POLN: variants seen among roughly 807,000 people sequenced by gnomAD.
POLN encodes DNA polymerase nu.
A neutral mutation model predicts 113.5 loss-of-function variants in POLN; 108 were observed. The observed-to-expected ratio is 0.95, with a 90% confidence interval of 0.81 to 1.12. The LOEUF is 1.12. Ranked by LOEUF, POLN falls within the 50% of genes most tolerant of loss-of-function variation. The pLI, the probability that POLN is intolerant of heterozygous loss-of-function variation, is 0.00. For synonymous variants in POLN, 386 were observed against 391.5 expected (o/e 0.99, Z 0.17); for missense variants, 1,097 against 1,077.1 (o/e 1.02, Z -0.26).
chr4:2,136,168 G>A (rs1577715137), intron 16 of POLN, among the ~76,000 whole-genome samples: 1 of 152,358 alleles, frequency 6.6e-6, no homozygotes, highest in East Asian at 1.9e-4. Context: ...AAGCTGAGCA[G>A]AGAGAGCACA....
At chr4:2,189,802 G>A (rs955484083) in intron 7 of POLN, among the ~76,000 whole-genome samples, 16 of 151,592 alleles carry the variant, frequency 1.1e-4, no homozygotes, top group African/African-American at 3.9e-4. Flanking sequence ...AGACCAAGGC[G>A]GGTGGATCAC....
chr4:2,088,737 T>TA (rs1730603509), intron 20 of POLN: 14 of 1,188,570 alleles, frequency 1.2e-5, no homozygotes, highest in South Asian at 3.7e-5. Flanking sequence ...GCTTTTTTTT[T>TA]ATTAGCTTTT....
intron 7 of POLN, among the ~76,000 whole-genome samples, chr4:2,190,633 T>C (rs1377335837): frequency 2.0e-5 from 3 of 152,148 alleles, no homozygotes; most frequent in African/African-American, 4.8e-5. Context: ...ATCCATCTGA[T>C]AGTGGATTAA....
intron 3 of POLN, among the ~76,000 whole-genome samples, chr4:2,215,757 T>C (rs1258093225): frequency 6.6e-6 from 1 of 152,198 alleles, no homozygotes; most frequent in African/African-American, 2.4e-5. Context: ...GAGCAGCTCC[T>C]GTAGGATTCT....
At chr4:2,129,576 G>T (rs1219695135) in intron 17 of POLN, among the ~76,000 whole-genome samples, 1 of 151,844 alleles carries the variant, frequency 6.6e-6, no homozygotes, top group African/African-American at 2.4e-5. Flanking sequence ...TTCTTGTAGA[G>T]ACAGGGTCTC....
intron 7 of POLN, among the ~76,000 whole-genome samples, chr4:2,188,835 T>C (rs1016798794): frequency 6.6e-6 from 1 of 152,164 alleles, no homozygotes; most frequent in African/African-American, 2.4e-5. Flanking sequence ...ATGGGCCATA[T>C]AAAAACACAT....
chr4:2,075,382 G>A (rs1730250959), intron 24 of POLN, 70 bp downstream of exon 24: 1 of 1,518,722 alleles, frequency 6.6e-7, no homozygotes, highest in Admixed American at 1.7e-5. Flanking sequence ...CCTGGGCTGT[G>A]CCCATGGGGC....
chr4:2,083,862 A>G (rs1394061580), intron 21 of POLN, among the ~76,000 whole-genome samples: 1 of 152,178 alleles, frequency 6.6e-6, no homozygotes, highest in African/African-American at 2.4e-5. Context: ...GTCCTAGCCG[A>G]ATTAAGCTGA....
intron 2 of POLN, chr4:2,240,925 CA>C: frequency 6.3e-7 from 1 of 1,598,500 alleles, no homozygotes; most frequent in Non-Finnish European, 8.5e-7. Context: ...AATGTTTCCA[CA>C]AACTCATTTC....
rs1345071256 is a variant in POLN, at chr4:2,100,080, AAAAAAG to A, written c.1983-4153_1983-4148del. The stretch of plus-strand genomic sequence containing the variant: ...GTGAGACCCTGTCTCAAAAAAGAAA[AAAAAAG>A]AAAAAGAAAAAAGAGAGAGAGAGAT... On this transcript the variant is annotated intron_variant, in intron 19 of 25. Coordinates refer to ENST00000511885, the MANE Select transcript of POLN (RefSeq NM_181808.4). Among the ~76,000 whole-genome samples, 101 of 150,620 alleles carry A rather than the reference AAAAAAG, an allele frequency of 6.7e-4. 2 individuals carry two copies. The highest frequency in any genetic ancestry group is 1.3e-3 in the African/African-American group (53 of 41,246).
intron 19 of POLN, among the ~76,000 whole-genome samples, chr4:2,107,446 C>T (rs1325802695): frequency 2.6e-5 from 4 of 152,036 alleles, no homozygotes; most frequent in African/African-American, 9.7e-5. Flanking sequence ...TGTTAGCTTG[C>T]GGCGGGTAAA....
intron 19 of POLN, among the ~76,000 whole-genome samples, chr4:2,113,611 A>G (rs1467328517): frequency 6.6e-6 from 1 of 150,772 alleles, no homozygotes; most frequent in African/African-American, 2.4e-5. Context: ...TAATCCCAGC[A>G]CTTTGGGAGG....
intron 6 of POLN, among the ~76,000 whole-genome samples, chr4:2,196,449 C>T (rs777458844): frequency 6.6e-6 from 1 of 152,078 alleles, no homozygotes; most frequent in African/African-American, 2.4e-5. Flanking sequence ...GGACACGGGA[C>T]CTCCTCCAAG....
At chr4:2,204,927 C>A (rs1201029635) in intron 5 of POLN, among the ~76,000 whole-genome samples, 2 of 152,104 alleles carry the variant, frequency 1.3e-5, no homozygotes, top group Non-Finnish European at 2.9e-5. Context: ...AATTGGCATA[C>A]AAGGGACATA....
chr4:2,091,754 C>A (rs951771912), intron 20 of POLN, among the ~76,000 whole-genome samples: 1 of 144,358 alleles, frequency 6.9e-6, no homozygotes, highest in Non-Finnish European at 1.5e-5. Flanking sequence ...GGTGGGTACA[C>A]GTGAATCTGT....
intron 15 of POLN, 22 bp downstream of exon 15, chr4:2,157,836 A>G: frequency 1.3e-6 from 2 of 1,567,352 alleles, no homozygotes; most frequent in Non-Finnish European, 1.8e-6. Flanking sequence ...TAATCACAGT[A>G]TCTTTTTGTA....
In POLN at chr4:2,208,038, C is replaced by G. The variant is rs144835121; in HGVS notation, c.663G>C (p.Leu221=). 1.9e-6 allele frequency: 3 copies of G among 1,614,108 alleles called. No individual in the cohort carries two copies. Among genetic ancestry groups the G allele is most frequent in the Non-Finnish European group, 2.5e-6 (3 of 1,179,996 alleles). Residue 221 remains leucine (L), a synonymous_variant, in exon 5 of 26, where the codon CTG becomes CTC. Coordinates refer to ENST00000511885, the MANE Select transcript of POLN (RefSeq NM_181808.4). ...LIEMLKQAAA[L]VITVMYTDGS... ...CATCAGTATACATCACAGTTATCAC[C>G]AGGGCTGCTGCCTGTTTGAGCATTT...
At position 2,192,114 on chromosome 4, in the gene POLN, C is replaced by CAAAA. The variant is rs772637540; in HGVS notation, c.1021+1086_1021+1089dup. ...TGGGCGACAGAGCGAGACTCCATCT[C>CAAAA]AAAAAAAAAAAAAAAAAAAAATTGG... On this transcript the variant is annotated intron_variant, in intron 7 of 25. Transcript: ENST00000511885. Among the ~76,000 whole-genome samples, 80 of 66,790 alleles carry CAAAA rather than the reference C, an allele frequency of 1.2e-3. 1 individual carries two copies. Among genetic ancestry groups the CAAAA allele is most frequent in the African/African-American group, 3.4e-3 (71 of 20,712 alleles). The allele number at this position is 66,790 out of a possible 152,430, so 43.8% of individuals were successfully genotyped here.
intron 7 of POLN, among the ~76,000 whole-genome samples, chr4:2,185,208 C>T (rs1733240910): frequency 6.6e-6 from 1 of 152,204 alleles, no homozygotes; most frequent in Non-Finnish European, 1.5e-5. Flanking sequence ...GTATACAACA[C>T]TTATGTAGTC....
Sources: allele counts gnomAD v4.1 joint callset (sites outside exome capture counted in the v4.1 genomes callset), GRCh38; gene constraint gnomAD v4.1.1; transcripts MANE v1.5; gene names NCBI Gene and HGNC (gene_info 2026-07-23, HGNC 2026-07-21).